The following ANKRD30BL variants were observed in gnomAD, a reference collection of about 807,000 sequenced individuals.
ANKRD30BL encodes putative ankyrin repeat domain-containing protein 30B-like.
A neutral mutation model predicts 18.4 loss-of-function variants in ANKRD30BL; 20 were observed. The observed-to-expected ratio is 1.09, with a 90% CI of 0.77 to 1.58. ANKRD30BL has a LOEUF of 1.58. ANKRD30BL is among the 40% of genes most tolerant of loss of function. The probability of loss-of-function intolerance (pLI) is 0.00; values close to 1 mark genes in which losing one functional copy is unlikely to be tolerated. For missense variants in ANKRD30BL, 224 were observed against 268.6 expected (o/e 0.83, Z 1.16); for synonymous variants, 72 against 100.9 (o/e 0.71, Z 1.72).
chr2:132,228,022 T>A (rs1573867096), intron 1 of ANKRD30BL, among the ~76,000 whole-genome samples: 1 of 152,094 alleles, frequency 6.6e-6, no homozygotes, highest in East Asian at 1.9e-4. Flanking sequence ...GTTTTGAAAC[T>A]GTCTTTTTGT....
chr2:132,151,582 T>G (rs1207691969), intron 4 of ANKRD30BL, among the ~76,000 whole-genome samples: 2 of 149,436 alleles, frequency 1.3e-5, no homozygotes, highest in Non-Finnish European at 3.0e-5. Flanking sequence ...CTGGGCAACA[T>G]AGGGAGACCA....
At chr2:132,164,329 G>A (rs1688148952), upstream of ANKRD30BL, among the ~76,000 whole-genome samples, 1 of 143,292 alleles carries the variant, frequency 7.0e-6, no homozygotes, top group African/African-American at 2.6e-5. Context: ...TTCTTGCCCA[G>A]GCTGAGGCTG....
chr2:132,174,068 TA>T (rs1688325314), intron 1 of ANKRD30BL, among the ~76,000 whole-genome samples: 1 of 152,266 alleles, frequency 6.6e-6, no homozygotes, highest in South Asian at 2.1e-4. Context: ...TAACTAGGCC[TA>T]TTTTTTATTC....
chr2:132,192,523 C>A (rs1400901905), intron 1 of ANKRD30BL, among the ~76,000 whole-genome samples: 1 of 152,148 alleles, frequency 6.6e-6, no homozygotes, highest in Non-Finnish European at 1.5e-5. Flanking sequence ...AGGCTGAGTT[C>A]TATTGGAACC....
chr2:132,239,871 C>T (rs112603363), intron 1 of ANKRD30BL, among the ~76,000 whole-genome samples: 1 of 151,880 alleles, frequency 6.6e-6, no homozygotes, highest in African/African-American at 2.4e-5. Context: ...GTACTCAACT[C>T]ACAGAGTTGA....
chr2:132,187,481 A>G (rs1688588097), intron 1 of ANKRD30BL, among the ~76,000 whole-genome samples: 1 of 151,620 alleles, frequency 6.6e-6, no homozygotes, highest in Non-Finnish European at 1.5e-5. Context: ...CGCCCGGCTA[A>G]TTTTTTGTAT....
chr2:132,244,653 G>T (rs1680440897), intron 1 of ANKRD30BL, among the ~76,000 whole-genome samples: 2 of 152,296 alleles, frequency 1.3e-5, no homozygotes. Flanking sequence ...TCAAATCACA[G>T]AATTGAACTT....
intron 1 of ANKRD30BL, among the ~76,000 whole-genome samples, chr2:132,224,386 T>G (rs1405995472): frequency 6.6e-6 from 1 of 152,050 alleles, no homozygotes; most frequent in Non-Finnish European, 1.5e-5. Context: ...AACATACCAT[T>G]TCATAGAGCC....
chr2:132,250,000 C>A (rs2349324), intron 1 of ANKRD30BL, among the ~76,000 whole-genome samples: 43 of 151,450 alleles, frequency 2.8e-4, no homozygotes, highest in African/African-American at 1.0e-3. Flanking sequence ...TCCTTTTTCA[C>A]CATAGGCCTC....
chr2:132,217,683 C>A (rs1385366302), intron 1 of ANKRD30BL, among the ~76,000 whole-genome samples: 1 of 152,278 alleles, frequency 6.6e-6, no homozygotes, highest in Admixed American at 6.5e-5. Context: ...TTGAACCTTT[C>A]TTTTTATAGA....
intron 1 of ANKRD30BL, among the ~76,000 whole-genome samples, chr2:132,252,326 C>T (rs562184452): frequency 4.6e-5 from 7 of 152,346 alleles, no homozygotes; most frequent in Admixed American, 6.5e-5. Flanking sequence ...GAGGATGCAG[C>T]GGTGCTGCCC....
At chr2:132,165,739 C>A (rs757016186), upstream of ANKRD30BL, among the ~76,000 whole-genome samples, 95 of 150,602 alleles carry the variant, frequency 6.3e-4, no homozygotes, top group Non-Finnish European at 1.2e-3. Flanking sequence ...ACAAAAAAAA[C>A]CACAATTGCT....
At chr2:132,209,610 T>C (rs1173370345) in intron 1 of ANKRD30BL, among the ~76,000 whole-genome samples, 1 of 152,110 alleles carries the variant, frequency 6.6e-6, no homozygotes, top group African/African-American at 2.4e-5. Flanking sequence ...TGAACAGTTT[T>C]GAAACACTTC....
At chr2:132,174,504 A>T (rs925707151) in intron 1 of ANKRD30BL, among the ~76,000 whole-genome samples, 6 of 149,164 alleles carry the variant, frequency 4.0e-5, no homozygotes, top group African/African-American at 1.5e-4. Context: ...ATCAGCAATT[A>T]AAAAAAAATA....
intron 1 of ANKRD30BL, among the ~76,000 whole-genome samples, chr2:132,236,216 A>G (rs1484635515): frequency 2.6e-5 from 4 of 152,080 alleles, no homozygotes; most frequent in South Asian, 2.1e-4. Context: ...TTAAACGTTC[A>G]ACCTAAAACC....
chr2:132,229,967 C>T (rs1261382527), intron 1 of ANKRD30BL, among the ~76,000 whole-genome samples: 1 of 151,862 alleles, frequency 6.6e-6, no homozygotes, highest in African/African-American at 2.4e-5. Flanking sequence ...AATATCTTCA[C>T]ATAAAAACTA....
chr2:132,208,465 C>G (rs1350414355), intron 1 of ANKRD30BL, among the ~76,000 whole-genome samples: 2 of 152,012 alleles, frequency 1.3e-5, no homozygotes, highest in African/African-American at 4.8e-5. Flanking sequence ...GCATATCAAC[C>G]GGATGCTGTC....
chr2:132,234,176 C>T (rs968612024), intron 1 of ANKRD30BL, among the ~76,000 whole-genome samples: 1 of 152,126 alleles, frequency 6.6e-6, no homozygotes, highest in Non-Finnish European at 1.5e-5. Context: ...CTCTGGGACA[C>T]ATTCAAAGCA....
intron 1 of ANKRD30BL, among the ~76,000 whole-genome samples, chr2:132,222,508 T>C (rs966254710): frequency 6.6e-6 from 1 of 152,160 alleles, no homozygotes; most frequent in African/African-American, 2.4e-5. Flanking sequence ...TTCTTCTGCC[T>C]TGGGATCCTG....
Sources: gnomAD v4.1 joint callset for allele counts (sites outside exome capture counted in the v4.1 genomes callset) on GRCh38, gnomAD v4.1.1 for gene constraint, MANE v1.5 for transcripts, NCBI Gene and HGNC (gene_info 2026-07-23, HGNC 2026-07-21) for gene names.